GON4L: variants seen among roughly 807,000 people sequenced by gnomAD.
GON4L encodes gon-4 like, also known as GON-4-like protein.
Under a neutral mutation model 211.8 loss-of-function variants are expected in GON4L, and 87 were observed. The ratio of observed to expected loss-of-function variants is 0.41; its 90% CI spans 0.35 to 0.49. The LOEUF (loss-of-function observed/expected upper bound fraction) is 0.49. Among genes scored for constraint, GON4L ranks in the 20% least tolerant of loss-of-function variants. The pLI, the probability that GON4L is intolerant of heterozygous loss-of-function variation, is 0.15. For synonymous variants in GON4L, 875 were observed against 962.6 expected (o/e 0.91, Z 1.68); for missense variants, 2,155 against 2,659.5 (o/e 0.81, Z 4.17).
chr1:155,776,338 C>T (rs372202925), intron 16 of GON4L, 57 bp downstream of exon 16: 3 of 1,159,218 alleles, frequency 2.6e-6, no homozygotes, highest in Non-Finnish European at 3.9e-6. Flanking sequence ...TGAGAAATAA[C>T]CTGCCAAGCT....
intron 2 of GON4L, among the ~76,000 whole-genome samples, chr1:155,842,963 C>G (rs1407290025): frequency 6.6e-6 from 1 of 152,168 alleles, no homozygotes. Context: ...CGGGGAATCA[C>G]TAGCTAGGTA....
rs1662331937 is a variant in GON4L, at chr1:155,765,311, T to C, written c.4162A>G (p.Lys1388Glu). The change falls in exon 21 of 32, where the codon AAA becomes GAA. Residue 1388 changes from lysine to glutamate, a missense_variant. Physicochemically the swap from Lys to Glu is moderately conservative, Grantham distance 56. Around this residue, in one of 6 missense-constraint regions of GON4L, gnomAD observed 615 missense variants for 625.7 expected, o/e 0.98. Transcript: ENST00000368331. ...GGCTCTTGAGAAGATGAAGGGGTTT[T>C]AGTTGGCTGACTCCTCTCCTCTTCC... is the stretch of plus-strand genomic sequence containing the variant. ...QKEEERSQPT[K>E]TPSSSQEPPD... 2 of 1,614,210 alleles carry C rather than the reference T, an allele frequency of 1.2e-6. No individual in the cohort carries two copies. Among genetic ancestry groups the C allele is most frequent in the Non-Finnish European group, 1.7e-6 (2 of 1,180,030 alleles).
rs79608484 is a variant in GON4L, at chr1:155,801,915, G to A, written c.1645+3034C>T. 3.0e-3 allele frequency among the ~76,000 whole-genome samples: 449 copies of A among 151,546 alleles called. 1 individual carries two copies. The highest frequency in any genetic ancestry group is 5.1e-3 in the Non-Finnish European group (344 of 67,880). On this transcript the variant is annotated intron_variant, in intron 11 of 31. Coordinates refer to ENST00000368331, the MANE Select transcript of GON4L (RefSeq NM_001282860.2). Reference sequence around the variant, plus strand: ...AAAAATAGAAATGAGGTCTCACTGTGTTTCCCAGGCTGGTCTTGACTTCCT... The same window carrying A: ...AAAAATAGAAATGAGGTCTCACTGTATTTCCCAGGCTGGTCTTGACTTCCT...
At chr1:155,794,132 C>A (rs943933631) in intron 12 of GON4L, among the ~76,000 whole-genome samples, 3 of 151,736 alleles carry the variant, frequency 2.0e-5, no homozygotes, top group Non-Finnish European at 2.9e-5. Context: ...AGTGCATTGG[C>A]GTGATCTCGG....
In GON4L at chr1:155,789,835, TGTA is replaced by T. The variant is rs1190518915; in HGVS notation, c.1748-4464_1748-4462del. ...GCTCAAGTCCCTTATATAAAAATGA[TGTA>T]GTATTTGCATATAATCTACACACAT... On this transcript the variant is annotated intron_variant, in intron 12 of 31. Coordinates refer to ENST00000368331, the MANE Select transcript of GON4L (RefSeq NM_001282860.2). Among the ~76,000 whole-genome samples, 3 of 151,870 alleles carry T rather than the reference TGTA, an allele frequency of 2.0e-5. No homozygotes were observed. The South Asian group carries it at 6.2e-4, about 32-fold the overall frequency.
intron 18 of GON4L, among the ~76,000 whole-genome samples, chr1:155,772,506 A>C (rs1663299279): frequency 6.6e-6 from 1 of 151,536 alleles, no homozygotes; most frequent in Non-Finnish European, 1.5e-5. Flanking sequence ...TAATCCCAGC[A>C]CTTTGGGAGG....
chr1:155,850,917 C>A (rs1419938585), intron 2 of GON4L, among the ~76,000 whole-genome samples: 1 of 151,022 alleles, frequency 6.6e-6, no homozygotes. Context: ...ATTAGCTGAG[C>A]GTGGCAGCGT....
intron 2 of GON4L, among the ~76,000 whole-genome samples, chr1:155,838,267 TAATTA>T (rs1670484180): frequency 6.6e-6 from 1 of 152,056 alleles, no homozygotes; most frequent in Non-Finnish European, 1.5e-5. Context: ...AAAAATTAAT[TAATTA>T]AATTAAATAA....
At position 155,760,572 on chromosome 1, in the gene GON4L, A is replaced by G. The variant is rs1180047055; in HGVS notation, c.4981T>C (p.Ser1661Pro). The change falls in exon 24 of 32, where the codon TCA becomes CCA. Residue 1661 changes from serine (S) to proline (P), a missense_variant. Physicochemically the swap from Ser to Pro is moderately conservative, Grantham distance 74 (BLOSUM62 -1). This residue lies in a region of GON4L where 455 missense variants were observed against 504.6 expected (regional missense o/e 0.90). Transcript: ENST00000368331. Reference sequence around the variant, plus strand: ...ACAGCCGTCCGTCTCTGGGTACTTGACTCAAATTCATAGATGACTTGAAGG... The same window carrying G: ...ACAGCCGTCCGTCTCTGGGTACTTGGCTCAAATTCATAGATGACTTGAAGG... ...DFLQVIYEFE[S>P]STQRRTAVDL... 6.2e-7 allele frequency: 1 copy of G among 1,613,178 alleles called. No individual in the cohort carries two copies.
chr1:155,823,087 G>C (rs1300829516), intron 3 of GON4L, among the ~76,000 whole-genome samples: 1 of 151,668 alleles, frequency 6.6e-6, no homozygotes. Flanking sequence ...GTGCCACCAC[G>C]CCCGGCTAAT....
intron 13 of GON4L, 169 bp from the exon 14 acceptor site, chr1:155,784,258 C>T: frequency 1.2e-6 from 1 of 824,152 alleles, no homozygotes; most frequent in Admixed American, 2.3e-5. Context: ...CAAACCCACA[C>T]TTGGGATGGC....
chr1:155,779,390 C>A (rs1014212376), intron 14 of GON4L, among the ~76,000 whole-genome samples: 2 of 151,614 alleles, frequency 1.3e-5, no homozygotes, highest in Non-Finnish European at 2.9e-5. Flanking sequence ...GATCTCGGCT[C>A]ACTGCAACCT....
intron 12 of GON4L, among the ~76,000 whole-genome samples, chr1:155,786,985 G>A (rs539166130): frequency 1.1e-3 from 167 of 148,490 alleles, no homozygotes; most frequent in Admixed American, 2.1e-3. Context: ...GCAGTGGCGC[G>A]ATCTCAGCTC....
rs766993084 is a variant in GON4L at position 155,766,109 on chromosome 1, T to G, written c.3364A>C (p.Arg1122=). The G allele has an allele frequency of 1.5e-5, 24 of 1,614,036 alleles. No homozygotes were observed. The highest frequency in any genetic ancestry group is 1.9e-5 in the Non-Finnish European group (23 of 1,180,032). Residue 1122 remains arginine, a synonymous_variant, in exon 21 of 32, where the codon AGA becomes CGA. Transcript: ENST00000368331. ...CAGGGAGAGGCCTTGACTCCTCTTCTCTTTGAGGGTCTCCGTCTCACATAT... is the reference window on the plus strand; with the variant it reads ...CAGGGAGAGGCCTTGACTCCTCTTCGCTTTGAGGGTCTCCGTCTCACATAT... ...KPYVRRRPSK[R]RGVKASPCMK... is the part of the protein sequence containing the mutation.
intron 29 of GON4L, 82 bp downstream of exon 29, chr1:155,753,122 A>T: frequency 9.4e-7 from 1 of 1,058,704 alleles, no homozygotes; most frequent in Non-Finnish European, 1.4e-6. Flanking sequence ...AAGGCTATTT[A>T]TCCAGGCTCA....
chr1:155,756,633 C>T (rs1431761673), intron 27 of GON4L: 2 of 254,326 alleles, frequency 7.9e-6, no homozygotes, highest in Non-Finnish European at 1.5e-5. Context: ...CATACCTTAT[C>T]ATGATTTTAG....
chr1:155,842,039 G>T (rs913139834), intron 2 of GON4L, among the ~76,000 whole-genome samples: 27 of 150,112 alleles, frequency 1.8e-4, no homozygotes, highest in Non-Finnish European at 3.0e-5. Context: ...AAAAAAAAAA[G>T]AAACTTGAAA....
At chr1:155,843,858 G>A (rs909812780) in intron 2 of GON4L, among the ~76,000 whole-genome samples, 1 of 152,172 alleles carries the variant, frequency 6.6e-6, no homozygotes, top group Non-Finnish European at 1.5e-5. Flanking sequence ...GGCATAACTT[G>A]CAAGGATTCA....
chr1:155,835,627 G>A (rs2102377922), intron 2 of GON4L, among the ~76,000 whole-genome samples: 1 of 152,160 alleles, frequency 6.6e-6, no homozygotes, highest in East Asian at 1.9e-4. Flanking sequence ...GCTGATGCCT[G>A]GATACTCTGG....
Sources: gnomAD v4.1 joint callset for allele counts (sites outside exome capture counted in the v4.1 genomes callset) on GRCh38, gnomAD v4.1.1 for gene constraint, gnomAD v4.1.1 regional missense constraint, MANE v1.5 for transcripts, NCBI Gene and HGNC (gene_info 2026-07-23, HGNC 2026-07-21) for gene names.